The following SPTY2D1 variants were observed in gnomAD, a reference collection of about 807,000 sequenced individuals.
SPTY2D1 encodes the protein protein SPT2 homolog.
Under a neutral mutation model 64.0 loss-of-function variants are expected in SPTY2D1, and 21 were observed. That is an observed-to-expected ratio of 0.33 (90% CI 0.23 to 0.47). SPTY2D1 has a LOEUF of 0.47. SPTY2D1 is among the 20% of genes least tolerant of loss of function. The pLI is 1.00. For synonymous variants in SPTY2D1, 287 were observed against 286.8 expected, an observed-to-expected ratio of 1.00 and a Z score of -0.01; for missense variants, 724 against 837.2, an observed-to-expected ratio of 0.86 and a Z score of 1.67.
chr11:18,622,813 G>A (rs1370100702), intron 1 of SPTY2D1, among the ~76,000 whole-genome samples: 4 of 151,940 alleles, frequency 2.6e-5, no homozygotes, highest in African/African-American at 7.3e-5. Flanking sequence ...TCAGCTGGGC[G>A]TGATGGCACG....
chr11:18,621,365 G>GAAAAGAAAAGAAAAGA (rs1854397288), intron 1 of SPTY2D1, among the ~76,000 whole-genome samples: 1 of 142,056 alleles, frequency 7.0e-6, no homozygotes, highest in African/African-American at 2.5e-5. Context: ...GAAAAGAAAA[G>GAAAAGAAAAGAAAAGA]AAAAGAAAAG....
rs1468911421 is a variant in SPTY2D1 at position 18,608,742 on chromosome 11, A to G, written c.*1119T>C. ...GGGTAAAAATGAGTTTCCACAGCTC[A>G]GTAAAATAACGATAACAGGGAACAT... On this transcript the variant is annotated 3_prime_UTR_variant, in exon 6 of 6. Transcript: ENST00000336349. 4 of 152,644 alleles carry G rather than the reference A, an allele frequency of 2.6e-5. No homozygotes were observed. Among genetic ancestry groups the G allele is most frequent in the African/African-American group, 7.2e-5 (3 of 41,448 alleles). The allele number at this position is 152,644 out of a possible 1,614,324, so 9.5% of individuals were successfully genotyped here. A position where few individuals can be genotyped will look rare whatever the true frequency, so the allele number is the denominator to read the frequency against.
intron 1 of SPTY2D1, among the ~76,000 whole-genome samples, chr11:18,620,696 C>T (rs1254980567): frequency 6.6e-6 from 1 of 151,478 alleles, no homozygotes; most frequent in African/African-American, 2.4e-5. Context: ...ACCATCCTGG[C>T]CAACACAGTG....
intron 3 of SPTY2D1, among the ~76,000 whole-genome samples, chr11:18,613,570 G>A (rs1033664842): frequency 6.6e-6 from 1 of 152,140 alleles, no homozygotes; most frequent in Non-Finnish European, 1.5e-5. Context: ...CCCATCCCCA[G>A]TTGTGACGAT....
Position 18,615,669 on chromosome 11 carries a change from A to C in SPTY2D1, c.605T>G (p.Leu202Arg). ...TCGTTCAAGGAATTCTCGCTCCCTA[A>C]GTTCTTCTGCGGTCATAGGTCGCTC... ...SEERPMTAEELREREFLERKH... is the reference protein window; with the variant it reads ...SEERPMTAEERREREFLERKH... Residue 202 changes from leucine to arginine, a missense_variant, in exon 3 of 6, where the codon CTT (leucine) becomes CGT (arginine). Around this residue, in one of 3 missense-constraint regions of SPTY2D1, gnomAD observed 426 missense variants for 431.8 expected, o/e 0.99. Transcript: ENST00000336349. 6.2e-7 allele frequency: 1 copy of C among 1,614,094 alleles called. No homozygotes were observed. The highest frequency in any genetic ancestry group is 8.5e-7 in the Non-Finnish European group (1 of 1,180,022).
At chr11:18,620,224 C>T (rs2134113630) in intron 1 of SPTY2D1, among the ~76,000 whole-genome samples, 1 of 152,300 alleles carries the variant, frequency 6.6e-6, no homozygotes, top group African/African-American at 2.4e-5. Context: ...CCTGTAATCC[C>T]AGCACTTTGG....
At position 18,615,011 on chromosome 11, in the gene SPTY2D1, G is replaced by A; in HGVS notation, c.1263C>T (p.Asp421=). Residue 421 remains aspartate (D), a synonymous_variant, in exon 3 of 6, where the codon GAC becomes GAT. Coordinates refer to ENST00000336349, the MANE Select transcript of SPTY2D1 (RefSeq NM_194285.3). ...TGACTGTCCGCCTAGAGGGATTTGA[G>A]TCATTGGTTGGCTTCTTGGACCCAC... is the stretch of plus-strand genomic sequence containing the variant. ...SISGSKKPTN[D]SNPSRRTVSG... is the part of the protein sequence containing the mutation. 1 of 1,614,200 alleles carries A rather than the reference G, an allele frequency of 6.2e-7. No individual in the cohort carries two copies. The highest frequency in any genetic ancestry group is 8.5e-7 in the Non-Finnish European group (1 of 1,180,054).
intron 1 of SPTY2D1, among the ~76,000 whole-genome samples, chr11:18,621,705 G>C (rs1214317524): frequency 6.6e-6 from 1 of 152,066 alleles, no homozygotes; most frequent in African/African-American, 2.4e-5. Flanking sequence ...TAGCAGTAAG[G>C]CAAGGTCAGC....
At chr11:18,624,666 CAT>C (rs1302633699) in intron 1 of SPTY2D1, among the ~76,000 whole-genome samples, 6 of 152,184 alleles carry the variant, frequency 3.9e-5, no homozygotes, top group African/African-American at 1.4e-4. Flanking sequence ...AGTCTAGAAA[CAT>C]GTGTACACCG....
chr11:18,629,038 A>C (rs1854543425), intron 1 of SPTY2D1, among the ~76,000 whole-genome samples: 1 of 151,962 alleles, frequency 6.6e-6, no homozygotes, highest in African/African-American at 2.4e-5. Flanking sequence ...CTATAGGCAG[A>C]CCCCCAAATT....
In SPTY2D1 at chr11:18,609,310, A is replaced by C. The variant is rs1414208859; in HGVS notation, c.*551T>G. 1 of 152,320 alleles carries C rather than the reference A, an allele frequency of 6.6e-6. No individual in the cohort carries two copies. Among genetic ancestry groups the C allele is most frequent in the African/African-American group, 2.5e-5 (1 of 40,616 alleles). The allele number at this position is 152,320 out of a possible 1,614,324, so 9.4% of individuals were successfully genotyped here. Reference sequence around the variant, plus strand: ...CAGAATTTATTCTACTTTGTACTTCAAAGTCACAGGATGACATCCATATGA... The same window carrying C: ...CAGAATTTATTCTACTTTGTACTTCCAAGTCACAGGATGACATCCATATGA... On this transcript the variant is annotated 3_prime_UTR_variant, in exon 6 of 6. Coordinates refer to ENST00000336349, the MANE Select transcript of SPTY2D1 (RefSeq NM_194285.3).
chr11:18,631,990 A>G lies in SPTY2D1; in HGVS notation c.60+2208T>C, dbSNP rs532247626. 2.6e-4 allele frequency among the ~76,000 whole-genome samples: 40 copies of G among 152,198 alleles called. No homozygotes were observed. The South Asian group carries it at 8.3e-3, about 32-fold the overall frequency. On this transcript the variant is annotated intron_variant, in intron 1 of 5. Transcript: ENST00000336349. ...GTGAAACCCTGTCTCTACCAAAAAT[A>G]CAAAAGTTAGCTTGATGTGGTGACA...
rs1219526970 is a variant in SPTY2D1 at position 18,612,209 on chromosome 11, A to G, written c.1886+105T>C. 1 of 819,924 alleles carries G rather than the reference A, an allele frequency of 1.2e-6. No homozygotes were observed. The highest frequency in any genetic ancestry group is 1.8e-6 in the Non-Finnish European group (1 of 555,524). 50.8% of individuals were successfully genotyped at this position (819,924 alleles called of 1,614,324 possible). On this transcript the variant is annotated intron_variant, in intron 4 of 5. Coordinates refer to ENST00000336349, the MANE Select transcript of SPTY2D1 (RefSeq NM_194285.3). This position sits in a 1 kb window ranked among gnomAD's most constrained non-coding sequence, Gnocchi z 4.6. ...AACAATCACCCAAGGGTTCCTAATT[A>G]AGAATTGTATTCAGTGCCTCCACTA... is the stretch of plus-strand genomic sequence containing the variant.
chr11:18,618,970 T>C (rs974259345), intron 1 of SPTY2D1, among the ~76,000 whole-genome samples: 3 of 152,180 alleles, frequency 2.0e-5, no homozygotes, highest in African/African-American at 7.2e-5. Context: ...GGCTAGGCCA[T>C]AGTGAGATCC....
At position 18,607,629 on chromosome 11, in the gene SPTY2D1, A is replaced by AT. The variant is rs1373560487; in HGVS notation, c.*2231dup. ...TTCTTCAAAGGTTTGTGAGCTTTTT[A>AT]TAAGAGTGGTCAGGAAGTGCAGAAA... On this transcript the variant is annotated 3_prime_UTR_variant, in exon 6 of 6. Coordinates refer to ENST00000336349, the MANE Select transcript of SPTY2D1 (RefSeq NM_194285.3). 6.6e-6 allele frequency: 1 copy of AT among 152,598 alleles called. No individual in the cohort carries two copies. Among genetic ancestry groups the AT allele is most frequent in the African/African-American group, 2.4e-5 (1 of 41,458 alleles). 9.5% of individuals were successfully genotyped at this position (152,598 alleles called of 1,614,324 possible). A position where few individuals can be genotyped will look rare whatever the true frequency, so the allele number is the denominator to read the frequency against.
chr11:18,622,849 G>A (rs1369330143), intron 1 of SPTY2D1, among the ~76,000 whole-genome samples: 1 of 151,580 alleles, frequency 6.6e-6, no homozygotes, highest in Non-Finnish European at 1.5e-5. Flanking sequence ...CTACTCAGGA[G>A]GCTAAGGCAG....
intron 1 of SPTY2D1, 21 bp downstream of exon 1, chr11:18,634,177 G>T (rs756069071): frequency 6.2e-7 from 1 of 1,614,022 alleles, no homozygotes; most frequent in Non-Finnish European, 8.5e-7. Context: ...CCCCTACATT[G>T]ATGCCCCAGC....
Position 18,608,987 on chromosome 11 carries a change from G to C in SPTY2D1, c.*874C>G, listed in dbSNP as rs7938645. Reference sequence around the variant, plus strand: ...TTCAAAATATCTTTATGATGGGGGAGGGGAGGAGGGGAGAGCCTCACATGT... The same window carrying C: ...TTCAAAATATCTTTATGATGGGGGACGGGAGGAGGGGAGAGCCTCACATGT... On this transcript the variant is annotated 3_prime_UTR_variant, in exon 6 of 6. Transcript: ENST00000336349. 6.7e-6 allele frequency: 1 copy of C among 150,216 alleles called. No homozygotes were observed. Among genetic ancestry groups the C allele is most frequent in the Non-Finnish European group, 1.5e-5 (1 of 66,486 alleles). The allele number at this position is 150,216 out of a possible 1,614,324, so 9.3% of individuals were successfully genotyped here.
chr11:18,614,466 A>G, intron 3 of SPTY2D1, 97 bp downstream of exon 3: 1 of 1,149,492 alleles, frequency 8.7e-7, no homozygotes, highest in Non-Finnish European at 1.2e-6. Context: ...ATTAAAGGAC[A>G]GCACATGAGG....
Sources: allele counts gnomAD v4.1 joint callset (sites outside exome capture counted in the v4.1 genomes callset), GRCh38; gene constraint gnomAD v4.1.1; regional missense constraint gnomAD v4.1.1; non-coding constraint Gnocchi (gnomAD v3.1); transcripts MANE v1.5; gene names NCBI Gene and HGNC (gene_info 2026-07-23, HGNC 2026-07-21).